Variants in RABGAP1L observed in about 807,000 individuals in gnomAD.
RABGAP1L encodes the protein rab GTPase-activating protein 1-like.
RABGAP1L carries 63 observed loss-of-function variants against 137.7 expected under a neutral mutation model. The observed-to-expected ratio is 0.46, with a 90% CI of 0.37 to 0.56. The LOEUF (loss-of-function observed/expected upper bound fraction) is 0.56. Ranked by LOEUF, RABGAP1L falls within the 20% of genes least tolerant of loss-of-function variation. RABGAP1L has a pLI of 0.00. For missense variants in RABGAP1L, 1,095 were observed against 1,244.0 expected (o/e 0.88, Z 1.80); for synonymous variants, 431 against 433.7 (o/e 0.99, Z 0.08).
At chr1:174,619,706 C>T (rs1357973294) in intron 13 of RABGAP1L, among the ~76,000 whole-genome samples, 1 of 152,126 alleles carries the variant, frequency 6.6e-6, no homozygotes, top group African/African-American at 2.4e-5. Flanking sequence ...TAAAGACCAT[C>T]GAGGCTAGGA....
chr1:174,713,699 G>A (rs1680769599), intron 17 of RABGAP1L, among the ~76,000 whole-genome samples: 1 of 152,202 alleles, frequency 6.6e-6, no homozygotes, highest in Non-Finnish European at 1.5e-5. Context: ...AGAACTGTAA[G>A]CCAAAATAAA....
At chr1:174,943,056 G>A (rs930482546) in intron 19 of RABGAP1L, among the ~76,000 whole-genome samples, 1 of 152,092 alleles carries the variant, frequency 6.6e-6, no homozygotes, top group African/African-American at 2.4e-5. Flanking sequence ...TTGGTCCCTG[G>A]AGGCCCTGCA....
chr1:174,677,537 G>T (rs1429129069), intron 14 of RABGAP1L, among the ~76,000 whole-genome samples: 1 of 152,292 alleles, frequency 6.6e-6, no homozygotes, highest in East Asian at 1.9e-4. Flanking sequence ...ATTTCTTATG[G>T]CTAAGGTTGT....
At chr1:174,162,948 G>C (rs1480209794) in intron 1 of RABGAP1L, among the ~76,000 whole-genome samples, 2 of 124,394 alleles carry the variant, frequency 1.6e-5, no homozygotes, top group African/African-American at 5.9e-5. Flanking sequence ...GGTGGGGAGG[G>C]GGGAGGGGGG....
Position 174,819,957 on chromosome 1 carries a change from A to G in RABGAP1L, c.2340+7997A>G, listed in dbSNP as rs1233454583. 3.3e-5 allele frequency among the ~76,000 whole-genome samples: 5 copies of G among 152,290 alleles called. No homozygotes were observed. In the South Asian group the frequency reaches 8.3e-4, roughly 25 times the overall value. On this transcript the variant is annotated intron_variant, in intron 19 of 25. Coordinates refer to ENST00000681986, the MANE Select transcript of RABGAP1L (RefSeq NM_001366446.1). ...TGGTGAATGTGTAGTTTGGTGAGGAAGAAATTGAGGATATTTCATTTGAAG... is the reference window on the plus strand; with the variant it reads ...TGGTGAATGTGTAGTTTGGTGAGGAGGAAATTGAGGATATTTCATTTGAAG...
At chr1:174,934,331 A>G (rs774763668) in intron 19 of RABGAP1L, among the ~76,000 whole-genome samples, 5 of 152,018 alleles carry the variant, frequency 3.3e-5, no homozygotes, top group Non-Finnish European at 5.9e-5. Context: ...CAGGTGATCC[A>G]CCTGCCTCGG....
At chr1:174,328,423 AC>A (rs1236172426) in intron 11 of RABGAP1L, among the ~76,000 whole-genome samples, 2 of 152,182 alleles carry the variant, frequency 1.3e-5, no homozygotes, top group Non-Finnish European at 2.9e-5. Flanking sequence ...TAGAAATTAA[AC>A]AATATACTCC....
intron 1 of RABGAP1L, among the ~76,000 whole-genome samples, chr1:174,202,687 T>C (rs954111491): frequency 6.6e-6 from 1 of 152,246 alleles, no homozygotes; most frequent in African/African-American, 2.4e-5. Flanking sequence ...TGGCTTTTGT[T>C]GCCATTGCTT....
intron 14 of RABGAP1L, among the ~76,000 whole-genome samples, chr1:174,680,057 A>C (rs1161832611): frequency 1.3e-5 from 2 of 152,250 alleles, no homozygotes; most frequent in African/African-American, 4.8e-5. Flanking sequence ...TAAAAGACAA[A>C]AACTATTAAA....
At chr1:174,879,118 T>A (rs1380367619) in intron 19 of RABGAP1L, among the ~76,000 whole-genome samples, 2 of 149,358 alleles carry the variant, frequency 1.3e-5, no homozygotes, top group South Asian at 2.1e-4. Flanking sequence ...TTTTTTTTTT[T>A]AAGATGGAGT....
At chr1:174,872,265 G>A (rs1411220076) in intron 19 of RABGAP1L, among the ~76,000 whole-genome samples, 1 of 151,950 alleles carries the variant, frequency 6.6e-6, no homozygotes. Context: ...AAGAATAATG[G>A]TGTTCTTTAT....
chr1:174,886,812 CTTTT>C, intron 19 of RABGAP1L, among the ~76,000 whole-genome samples: 1 of 149,152 alleles, frequency 6.7e-6, no homozygotes, highest in East Asian at 2.0e-4. Context: ...CCATTTAATT[CTTTT>C]TTTTTTCTTT....
chr1:174,696,844 C>T (rs1679297539), intron 15 of RABGAP1L, among the ~76,000 whole-genome samples: 1 of 152,172 alleles, frequency 6.6e-6, no homozygotes, highest in Non-Finnish European at 1.5e-5. Context: ...TGATTGCTCA[C>T]CTGATTTTTT....
chr1:174,507,130 A>T (rs1265065815), intron 13 of RABGAP1L, among the ~76,000 whole-genome samples: 1 of 152,224 alleles, frequency 6.6e-6, no homozygotes, highest in Non-Finnish European at 1.5e-5. Flanking sequence ...TATGAGAAGA[A>T]ATAGCTTAAT....
intron 15 of RABGAP1L, among the ~76,000 whole-genome samples, chr1:174,685,275 C>T (rs911983848): frequency 3.3e-5 from 5 of 152,068 alleles, no homozygotes; most frequent in Non-Finnish European, 7.4e-5. Context: ...TCTTTAGAGA[C>T]AGAGTCTCAC....
chr1:174,546,507 C>A (rs1666020590), intron 13 of RABGAP1L, among the ~76,000 whole-genome samples: 1 of 152,016 alleles, frequency 6.6e-6, no homozygotes, highest in Non-Finnish European at 1.5e-5. Context: ...TAGATAACAC[C>A]CAGTTCTGTA....
At chr1:174,243,602 A>AT (rs1270492709) in intron 5 of RABGAP1L, among the ~76,000 whole-genome samples, 2 of 152,224 alleles carry the variant, frequency 1.3e-5, no homozygotes, top group Non-Finnish European at 2.9e-5. Context: ...TAGAGAGCTT[A>AT]TGCCAGGCAC....
chr1:174,278,787 C>A lies in RABGAP1L; in HGVS notation c.1323+8C>A, dbSNP rs1440415913. 6.6e-6 allele frequency: 10 copies of A among 1,509,810 alleles called. No individual in the cohort carries two copies. The highest frequency in any genetic ancestry group is 2.9e-5 in the African/African-American group (2 of 70,060). The allele number at this position is 1,509,810 out of a possible 1,614,324, so 93.5% of individuals were successfully genotyped here. On this transcript the variant is annotated splice_region_variant and intron_variant, in intron 10 of 25. Coordinates refer to ENST00000681986, the MANE Select transcript of RABGAP1L (RefSeq NM_001366446.1). The stretch of plus-strand genomic sequence containing the variant: ...TTCATGAGATTGAAACAGGTAGGAC[C>A]TTTTTGTTCTCTTCATATATAGTAA...
chr1:174,721,042 T>C (rs1029941193), intron 17 of RABGAP1L, among the ~76,000 whole-genome samples: 3 of 152,240 alleles, frequency 2.0e-5, no homozygotes, highest in Admixed American at 2.0e-4. Flanking sequence ...TCTACAAGTT[T>C]AACAAATATA....
Sources: gnomAD v4.1 joint callset for allele counts (sites outside exome capture counted in the v4.1 genomes callset) on GRCh38, gnomAD v4.1.1 for gene constraint, MANE v1.5 for transcripts, NCBI Gene and HGNC (gene_info 2026-07-23, HGNC 2026-07-21) for gene names.